AFMID: variants seen among roughly 807,000 people sequenced by gnomAD.
The protein encoded by AFMID is kynurenine formamidase.
AFMID carries 39 observed loss-of-function variants against 47.5 expected under a neutral mutation model. The ratio of observed to expected loss-of-function variants is 0.82; its 90% CI spans 0.64 to 1.07. AFMID has a LOEUF of 1.07. Ranked by LOEUF, AFMID falls within the 50% of genes least tolerant of loss-of-function variation. The pLI, the probability that AFMID is intolerant of heterozygous loss-of-function variation, is 0.00. For missense variants in AFMID, 375 were observed against 387.5 expected (o/e 0.97, Z 0.27); for synonymous variants, 130 against 153.2 (o/e 0.85, Z 1.12).
At chr17:78,196,449 G>T (rs2076117057) in intron 2 of AFMID, among the ~76,000 whole-genome samples, 1 of 152,084 alleles carries the variant, frequency 6.6e-6, no homozygotes, top group African/African-American at 2.4e-5. Context: ...AGGCCAGAGG[G>T]GGGCAGATCA....
At position 78,206,933 on chromosome 17, in the gene AFMID, A is replaced by T; in HGVS notation, c.908A>T (p.Gln303Leu). Residue 303 changes from glutamine to leucine, a missense_variant, in exon 11 of 11, where the codon CAG (glutamine) becomes CTG (leucine). Physicochemically the swap from Gln to Leu is moderately radical, Grantham distance 113. Transcript: ENST00000409257. ...LTQIILKTIF[Q>L] Reference sequence around the variant, plus strand: ...CAGATTATCTTGAAAACAATCTTCCAGTAGTTCTGACGATACTTGGAGCCT... The same window carrying T: ...CAGATTATCTTGAAAACAATCTTCCTGTAGTTCTGACGATACTTGGAGCCT... 6.2e-7 allele frequency: 1 copy of T among 1,614,040 alleles called. No homozygotes were observed. Among genetic ancestry groups the T allele is most frequent in the Non-Finnish European group, 8.5e-7 (1 of 1,179,994 alleles).
chr17:78,205,894 C>T, intron 9 of AFMID, 52 bp from the exon 10 acceptor site: 2 of 1,598,964 alleles, frequency 1.3e-6, no homozygotes, highest in African/African-American at 1.3e-5. Context: ...ATGTCCTGCC[C>T]CACCTCCCCT....
rs1172344380 is a variant in AFMID, at chr17:78,206,952, G to A, written c.*15G>A. The stretch of plus-strand genomic sequence containing the variant: ...TCTTCCAGTAGTTCTGACGATACTT[G>A]GAGCCTGGTCCACGTGCATCCCACC... On this transcript the variant is annotated 3_prime_UTR_variant, in exon 11 of 11. Coordinates refer to ENST00000409257, the MANE Select transcript of AFMID (RefSeq NM_001010982.5). 2 of 1,613,872 alleles carry A rather than the reference G, an allele frequency of 1.2e-6. No individual in the cohort carries two copies. Among genetic ancestry groups the A allele is most frequent in the Non-Finnish European group, 1.7e-6 (2 of 1,179,834 alleles).
In AFMID at chr17:78,207,070, G is replaced by C; in HGVS notation, c.*133G>C. ...AGAGCCTTGCTGTGTCTGTCTGCCCGGCAAGAGTCCATTCTCACTGCTGGG... is the reference window on the plus strand; with the variant it reads ...AGAGCCTTGCTGTGTCTGTCTGCCCCGCAAGAGTCCATTCTCACTGCTGGG... On this transcript the variant is annotated 3_prime_UTR_variant, in exon 11 of 11. Transcript: ENST00000409257. The C allele has an allele frequency of 2.1e-6, 2 of 951,616 alleles. No individual in the cohort carries two copies. Among genetic ancestry groups the C allele is most frequent in the South Asian group, 2.6e-5 (2 of 75,664 alleles). 58.9% of individuals were successfully genotyped at this position (951,616 alleles called of 1,614,324 possible).
intron 2 of AFMID, chr17:78,197,366 A>G: frequency 1.5e-6 from 1 of 659,540 alleles, no homozygotes; most frequent in South Asian, 1.9e-5. Context: ...GTGGTATGGT[A>G]ATGGATGTAC....
intron 2 of AFMID, among the ~76,000 whole-genome samples, chr17:78,196,048 C>T (rs1004062180): frequency 6.6e-6 from 1 of 152,084 alleles, no homozygotes. Flanking sequence ...CCGTGTTAGC[C>T]AGGATGGTAG....
rs763301194 is a variant in AFMID at position 78,205,165 on chromosome 17, G to T, written c.540G>T (p.Lys180Asn). Residue 180 changes from lysine (K) to asparagine (N), a missense_variant, in exon 7 of 11, where the codon AAG becomes AAT. Coordinates refer to ENST00000409257, the MANE Select transcript of AFMID (RefSeq NM_001010982.5). ...TGATGCTCCTGGCCGACTGGACCAAGCATGGGGTCACGCCCAACCTCAGAG... is the reference window on the plus strand; with the variant it reads ...TGATGCTCCTGGCCGACTGGACCAATCATGGGGTCACGCCCAACCTCAGAG... ...AAMMLLADWT[K>N]HGVTPNLRGF... 2.5e-6 allele frequency: 4 copies of T among 1,612,618 alleles called. No homozygotes were observed. Among genetic ancestry groups the T allele is most frequent in the Non-Finnish European group, 1.7e-6 (2 of 1,179,434 alleles).
intron 2 of AFMID, among the ~76,000 whole-genome samples, chr17:78,202,007 G>A (rs982378588): frequency 6.6e-6 from 1 of 151,702 alleles, no homozygotes; most frequent in African/African-American, 2.4e-5. Context: ...TGGGATTATA[G>A]GCGTGAGCCA....
chr17:78,194,380 A>G lies in AFMID; in HGVS notation c.154+3320A>G, dbSNP rs534330702. ...CCTCGAGTGATCTGCTCGCCTCCCA[A>G]AGTGCTGGGATTATAGGCGTGAGCC... On this transcript the variant is annotated intron_variant, in intron 2 of 10. Transcript: ENST00000409257. Among the ~76,000 whole-genome samples the G allele has an allele frequency of 2.0e-5, 3 of 152,184 alleles. 1 individual carries two copies. Among genetic ancestry groups the G allele is most frequent in the Admixed American group, 2.0e-4 (3 of 15,276 alleles).
chr17:78,204,796 C>T, intron 5 of AFMID, 32 bp from the exon 6 acceptor site: 1 of 1,614,182 alleles, frequency 6.2e-7, no homozygotes, highest in South Asian at 1.1e-5. Context: ...GGAGGAAGTG[C>T]ATCCCTGACC....
At chr17:78,198,210 CAG>C (rs1376887742) in intron 2 of AFMID, among the ~76,000 whole-genome samples, 1 of 152,106 alleles carries the variant, frequency 6.6e-6, no homozygotes, top group Non-Finnish European at 1.5e-5. Flanking sequence ...GCCTGTGTGA[CAG>C]AGTGAAACCG....
At chr17:78,193,801 C>T (rs942190883) in intron 2 of AFMID, among the ~76,000 whole-genome samples, 6 of 151,890 alleles carry the variant, frequency 4.0e-5, no homozygotes, top group Non-Finnish European at 4.4e-5. Context: ...CACGGTGAAA[C>T]CCTGTCTCTA....
At chr17:78,200,716 CCACACCTTAATTT>C (rs956955568) in intron 2 of AFMID, among the ~76,000 whole-genome samples, 2 of 152,200 alleles carry the variant, frequency 1.3e-5, no homozygotes, top group Non-Finnish European at 2.9e-5. Flanking sequence ...GTGGCAGTGT[CCACACCTTAATTT>C]CAGACTTCTG....
At chr17:78,187,655 C>A (rs1598978417) in intron 1 of AFMID, among the ~76,000 whole-genome samples, 3 of 151,974 alleles carry the variant, frequency 2.0e-5, no homozygotes, top group Admixed American at 1.3e-4. Flanking sequence ...AAATTGAAGT[C>A]CTGACTATGC....
intron 2 of AFMID, chr17:78,197,280 G>A (rs1208943660): frequency 7.1e-7 from 1 of 1,404,962 alleles, no homozygotes; most frequent in Admixed American, 2.2e-5. Flanking sequence ...GCCGGCAATG[G>A]CCTCACAGTG....
chr17:78,199,403 T>C lies in AFMID; in HGVS notation c.155-3096T>C, dbSNP rs528221918. On this transcript the variant is annotated intron_variant, in intron 2 of 10. Transcript: ENST00000409257. ...TTTCTTTTCTTTTTTTTTGAGACAG[T>C]CTTGCTCTATTGCCCAGGCTGGAGT... 3.3e-5 allele frequency among the ~76,000 whole-genome samples: 5 copies of C among 150,122 alleles called. No individual in the cohort carries two copies. The South Asian group carries it at 1.1e-3, about 32-fold the overall frequency.
intron 2 of AFMID, among the ~76,000 whole-genome samples, chr17:78,198,444 C>T (rs911425269): frequency 7.2e-6 from 1 of 139,270 alleles, no homozygotes; most frequent in African/African-American, 2.6e-5. Flanking sequence ...ACTACAAATA[C>T]AAAAAAAAAA....
Position 78,197,278 on chromosome 17 carries a change from T to C in AFMID, c.155-5221T>C. 8 of 1,425,208 alleles carry C rather than the reference T, an allele frequency of 5.6e-6. No individual in the cohort carries two copies. In the East Asian group the frequency reaches 2.0e-4, roughly 35 times the overall value. 88.3% of individuals were successfully genotyped at this position (1,425,208 alleles called of 1,614,324 possible). On this transcript the variant is annotated intron_variant, in intron 2 of 10. Transcript: ENST00000409257. ...AACCCCCATGGATGGCAGCCGGCAATGGCCTCACAGTGACAAATGCGTCTG... is the reference window on the plus strand; with the variant it reads ...AACCCCCATGGATGGCAGCCGGCAACGGCCTCACAGTGACAAATGCGTCTG...
intron 2 of AFMID, among the ~76,000 whole-genome samples, chr17:78,200,000 C>T (rs765352152): frequency 1.3e-5 from 2 of 151,220 alleles, no homozygotes; most frequent in African/African-American, 2.4e-5. Context: ...TTATGTAAGA[C>T]GTTTAGCATC....
Sources: allele counts gnomAD v4.1 joint callset (sites outside exome capture counted in the v4.1 genomes callset), GRCh38; gene constraint gnomAD v4.1.1; transcripts MANE v1.5; gene names NCBI Gene and HGNC (gene_info 2026-07-23, HGNC 2026-07-21).